Variants in ARHGAP10 observed in about 807,000 individuals in gnomAD.
ARHGAP10 encodes the protein rho GTPase-activating protein 10.
Under a neutral mutation model 108.6 loss-of-function variants are expected in ARHGAP10, and 87 were observed. That is an observed-to-expected ratio of 0.80 (90% CI 0.67 to 0.96). ARHGAP10 has a LOEUF of 0.96. Ranked by LOEUF, ARHGAP10 falls within the 40% of genes least tolerant of loss-of-function variation. The pLI is 0.00. For missense variants in ARHGAP10, 939 were observed against 954.5 expected, an observed-to-expected ratio of 0.98 and a Z score of 0.21; for synonymous variants, 347 against 341.1, an observed-to-expected ratio of 1.02 and a Z score of -0.19.
intron 7 of ARHGAP10, among the ~76,000 whole-genome samples, chr4:147,869,175 C>T (rs1377231426): frequency 1.3e-5 from 2 of 151,972 alleles, no homozygotes; most frequent in African/African-American, 4.8e-5. Context: ...TTAAAGCAAG[C>T]AGAAGCTCTT....
chr4:147,766,828 A>ATT (rs1357513421), intron 1 of ARHGAP10, among the ~76,000 whole-genome samples: 2 of 24,088 alleles, frequency 8.3e-5, no homozygotes, highest in African/African-American at 1.4e-4. Flanking sequence ...ATATATATAT[A>ATT]TATATATATA....
intron 3 of ARHGAP10, among the ~76,000 whole-genome samples, chr4:147,837,824 G>A (rs920107847): frequency 6.6e-6 from 1 of 151,810 alleles, no homozygotes; most frequent in African/African-American, 2.4e-5. Context: ...TCAAACATAG[G>A]AAGGGGTTTC....
At chr4:147,930,193 A>C (rs1042765610) in intron 13 of ARHGAP10, among the ~76,000 whole-genome samples, 4 of 152,176 alleles carry the variant, frequency 2.6e-5, no homozygotes, top group African/African-American at 9.7e-5. Context: ...TTGAGAATGT[A>C]TTTCTGTAGA....
chr4:147,931,750 CA>C (rs1737696745), intron 13 of ARHGAP10, among the ~76,000 whole-genome samples: 1 of 152,100 alleles, frequency 6.6e-6, no homozygotes. Flanking sequence ...ATAGATCATT[CA>C]GAACATAGGC....
At chr4:147,921,317 T>C (rs1578691487) in intron 13 of ARHGAP10, among the ~76,000 whole-genome samples, 1 of 152,328 alleles carries the variant, frequency 6.6e-6, no homozygotes. Context: ...TCAGGAGCAC[T>C]AGGGGTGCTT....
Position 147,939,911 on chromosome 4 carries a change from T to C in ARHGAP10, c.1303+12T>C. Reference sequence around the variant, plus strand: ...GAGTATGTTGATGGGTATGCCTCTTTTCTAATCATTTTTCCATGTGTTATT... The same window carrying C: ...GAGTATGTTGATGGGTATGCCTCTTCTCTAATCATTTTTCCATGTGTTATT... On this transcript the variant is annotated intron_variant, in intron 14 of 22. Transcript: ENST00000336498. 2 of 1,605,606 alleles carry C rather than the reference T, an allele frequency of 1.2e-6. No individual in the cohort carries two copies. The highest frequency in any genetic ancestry group is 8.5e-7 in the Non-Finnish European group (1 of 1,173,336).
At position 147,755,082 on chromosome 4, in the gene ARHGAP10, C is replaced by CA. The variant is rs550063397; in HGVS notation, c.154+22642dup. 2.1e-3 allele frequency among the ~76,000 whole-genome samples: 222 copies of CA among 103,542 alleles called. 1 individual carries two copies. Among genetic ancestry groups the CA allele is most frequent in the Middle Eastern group, 5.7e-3 (1 of 174 alleles). 67.9% of individuals were successfully genotyped at this position (103,542 alleles called of 152,430 possible). ...GGGCGACAAGAGTGAAACTCCGTCT[C>CA]AAAAAAAAAAAAAAATTCTTTCAAA... On this transcript the variant is annotated intron_variant, in intron 1 of 22. Transcript: ENST00000336498.
In ARHGAP10 at chr4:147,904,214, TTTTC is replaced by T. The variant is rs754238639; in HGVS notation, c.1035-2408_1035-2405del. ...TTGATGACATCTGATAGGGTGCATC[TTTTC>T]TTTCTTTCTTTCTTTATTTTATTAT... On this transcript the variant is annotated intron_variant, in intron 10 of 22. Coordinates refer to ENST00000336498, the MANE Select transcript of ARHGAP10 (RefSeq NM_024605.4). Among the ~76,000 whole-genome samples, 55 of 152,182 alleles carry T rather than the reference TTTTC, an allele frequency of 3.6e-4. 1 individual carries two copies. The highest frequency in any genetic ancestry group is 1.0e-3 in the Admixed American group (16 of 15,276).
intron 3 of ARHGAP10, among the ~76,000 whole-genome samples, chr4:147,832,731 T>C (rs1733006595): frequency 6.9e-6 from 1 of 145,658 alleles, no homozygotes; most frequent in African/African-American, 2.5e-5. Context: ...GAGATGAAAA[T>C]AGAATCTTTC....
intron 10 of ARHGAP10, among the ~76,000 whole-genome samples, chr4:147,887,192 A>G (rs1248685540): frequency 6.6e-6 from 1 of 152,088 alleles, no homozygotes; most frequent in African/African-American, 2.4e-5. Context: ...AAGCTGTAAC[A>G]AGAGCTGTTT....
At chr4:147,795,924 A>G (rs1187432749) in intron 1 of ARHGAP10, among the ~76,000 whole-genome samples, 2 of 151,934 alleles carry the variant, frequency 1.3e-5, no homozygotes, top group African/African-American at 4.8e-5. Flanking sequence ...CAAACTCCTG[A>G]CCTCGTGATC....
intron 13 of ARHGAP10, among the ~76,000 whole-genome samples, chr4:147,915,362 G>A (rs1157183149): frequency 1.3e-5 from 2 of 152,170 alleles, no homozygotes; most frequent in African/African-American, 2.4e-5. Context: ...TGCAATTTTA[G>A]TATCTTTCAC....
At chr4:147,753,528 T>TG (rs1298258916) in intron 1 of ARHGAP10, among the ~76,000 whole-genome samples, 5 of 151,396 alleles carry the variant, frequency 3.3e-5, no homozygotes, top group Non-Finnish European at 7.4e-5. Context: ...GTTTTTTTTT[T>TG]TTTTTAGTGG....
intron 1 of ARHGAP10, among the ~76,000 whole-genome samples, chr4:147,738,509 C>T (rs955118466): frequency 2.6e-5 from 4 of 152,020 alleles, no homozygotes; most frequent in South Asian, 4.1e-4. Flanking sequence ...GCAGAGATCG[C>T]GTCACTGCAC....
intron 1 of ARHGAP10, among the ~76,000 whole-genome samples, chr4:147,819,716 G>A (rs1215565358): frequency 1.3e-5 from 2 of 151,944 alleles, no homozygotes; most frequent in Admixed American, 6.6e-5. Flanking sequence ...CTGCCACCAC[G>A]CCTGGCTACT....
At chr4:147,875,264 C>T in intron 8 of ARHGAP10, 114 bp downstream of exon 8, 4 of 1,167,902 alleles carry the variant, frequency 3.4e-6, no homozygotes, top group Middle Eastern at 2.1e-4. Flanking sequence ...ACCTCTTTCT[C>T]TCCCTGCTCC....
At chr4:147,803,015 CTT>C (rs36037094) in intron 1 of ARHGAP10, among the ~76,000 whole-genome samples, 4 of 146,192 alleles carry the variant, frequency 2.7e-5, no homozygotes, top group Admixed American at 6.8e-5. Flanking sequence ...TTGTTTATTG[CTT>C]TTTTTTTTTG....
intron 22 of ARHGAP10, among the ~76,000 whole-genome samples, chr4:148,066,471 G>A (rs1333359321): frequency 2.0e-5 from 3 of 152,216 alleles, no homozygotes; most frequent in Non-Finnish European, 4.4e-5. Context: ...CCTGGTAGGC[G>A]TCTGACCCAG....
chr4:147,760,564 G>T (rs1468419952), intron 1 of ARHGAP10, among the ~76,000 whole-genome samples: 1 of 152,122 alleles, frequency 6.6e-6, no homozygotes, highest in Non-Finnish European at 1.5e-5. Context: ...TAAAGGGTTT[G>T]TCTGTCCCCC....
Sources: allele counts gnomAD v4.1 joint callset (sites outside exome capture counted in the v4.1 genomes callset), GRCh38; gene constraint gnomAD v4.1.1; transcripts MANE v1.5; gene names NCBI Gene and HGNC (gene_info 2026-07-23, HGNC 2026-07-21).